Variants in ATL1 observed in about 807,000 individuals in gnomAD.
The protein encoded by ATL1 is atlastin-1.
ATL1 carries 31 observed loss-of-function variants against 75.5 expected under a neutral mutation model. The observed-to-expected ratio is 0.41, with a 90% CI of 0.31 to 0.55. The LOEUF (loss-of-function observed/expected upper bound fraction) is 0.55. Ranked by LOEUF, ATL1 falls within the 20% of genes least tolerant of loss-of-function variation. The pLI, the probability that ATL1 is intolerant of heterozygous loss-of-function variation, is 0.27. For missense variants in ATL1, 405 were observed against 662.6 expected (o/e 0.61, Z 4.27); for synonymous variants, 226 against 233.3 (o/e 0.97, Z 0.28).
chr14:50,616,831 G>A (rs1275827864), intron 8 of ATL1, among the ~76,000 whole-genome samples: 8 of 152,082 alleles, frequency 5.3e-5, no homozygotes, highest in Non-Finnish European at 8.8e-5. Flanking sequence ...CAGAAATATC[G>A]TACTTTGCCT....
intron 6 of ATL1, among the ~76,000 whole-genome samples, chr14:50,600,103 A>G (rs540040007): frequency 6.6e-6 from 1 of 151,862 alleles, no homozygotes; most frequent in South Asian, 2.1e-4. Context: ...AGAGTAGGGA[A>G]CTCCATTGTA....
chr14:50,584,570 G>T (rs2039084549), intron 1 of ATL1, among the ~76,000 whole-genome samples: 1 of 151,914 alleles, frequency 6.6e-6, no homozygotes, highest in Admixed American at 6.6e-5. Context: ...TAAAAAATGC[G>T]AGGTGGCGGG....
intron 1 of ATL1, among the ~76,000 whole-genome samples, chr14:50,546,722 C>T (rs1375262731): frequency 1.3e-5 from 2 of 152,070 alleles, no homozygotes; most frequent in African/African-American, 4.8e-5. Context: ...CAGCCAAAAC[C>T]AGAATGATCT....
chr14:50,594,998 CAA>C (rs371065528), intron 5 of ATL1, among the ~76,000 whole-genome samples: 32,108 of 85,510 alleles, frequency 0.38, 3,878 homozygotes, highest in African/African-American at 0.54. Context: ...GACCCTGTCT[CAA>C]AAAAAAAAAA....
intron 11 of ATL1, 103 bp from the exon 12 acceptor site, chr14:50,627,928 A>C (rs2039537003): frequency 9.3e-7 from 1 of 1,073,586 alleles, no homozygotes; most frequent in African/African-American, 1.6e-5. Flanking sequence ...GCTCCTGATT[A>C]TTAACGTATT....
chr14:50,606,065 T>C (rs1328843035), intron 6 of ATL1, among the ~76,000 whole-genome samples: 4 of 151,990 alleles, frequency 2.6e-5, no homozygotes, highest in African/African-American at 7.2e-5. Flanking sequence ...TATTGAGTGG[T>C]AAAAATAAAA....
At chr14:50,629,174 T>G (rs1294854155) in intron 12 of ATL1, among the ~76,000 whole-genome samples, 2 of 152,240 alleles carry the variant, frequency 1.3e-5, no homozygotes, top group East Asian at 3.8e-4. Context: ...CTATCATAAG[T>G]TGTCATATCA....
chr14:50,548,480 G>A (rs959560549), intron 1 of ATL1, among the ~76,000 whole-genome samples: 2 of 152,146 alleles, frequency 1.3e-5, no homozygotes, highest in African/African-American at 4.8e-5. Flanking sequence ...AGCAGCCAAT[G>A]GGAATGGTAA....
At chr14:50,539,490 A>G (rs552056495) in intron 1 of ATL1, among the ~76,000 whole-genome samples, 1 of 152,382 alleles carries the variant, frequency 6.6e-6, no homozygotes, top group East Asian at 1.9e-4. Context: ...GACCAAGTCC[A>G]GGGCCTGACT....
intron 11 of ATL1, among the ~76,000 whole-genome samples, chr14:50,626,594 T>C (rs1006018201): frequency 3.3e-5 from 5 of 152,226 alleles, no homozygotes; most frequent in African/African-American, 1.2e-4. Flanking sequence ...GTGAACAGTG[T>C]TGAAATGACA....
At chr14:50,610,014 C>A (rs1454199504) in intron 6 of ATL1, among the ~76,000 whole-genome samples, 1 of 151,370 alleles carries the variant, frequency 6.6e-6, no homozygotes, top group Non-Finnish European at 1.5e-5. Flanking sequence ...TCCTCTGCCC[C>A]ACTCTGCCCC....
At chr14:50,543,772 C>T (rs1454885632) in intron 1 of ATL1, among the ~76,000 whole-genome samples, 1 of 152,200 alleles carries the variant, frequency 6.6e-6, no homozygotes, top group Non-Finnish European at 1.5e-5. Flanking sequence ...AGTGGCTCTT[C>T]TATTATTCCT....
intron 10 of ATL1, among the ~76,000 whole-genome samples, chr14:50,622,157 A>C (rs1466570293): frequency 6.6e-6 from 1 of 152,230 alleles, no homozygotes; most frequent in Non-Finnish European, 1.5e-5. Context: ...ACAGTCTTCT[A>C]TTATGATTTA....
rs114568084 is a variant in ATL1, at chr14:50,610,886, A to G, written c.631-2373A>G. On this transcript the variant is annotated intron_variant, in intron 6 of 13. Transcript: ENST00000358385. ...TTTCCGTCTAGTTCCCCTTCTAGCAATAGAACTCCTCTCTCCAATTCCCTC... is the reference window on the plus strand; with the variant it reads ...TTTCCGTCTAGTTCCCCTTCTAGCAGTAGAACTCCTCTCTCCAATTCCCTC... Among the ~76,000 whole-genome samples the G allele has an allele frequency of 5.6e-3, 857 of 152,230 alleles. 3 individuals are homozygous for G. The highest frequency in any genetic ancestry group is 0.02 in the African/African-American group (825 of 41,544).
Position 50,551,194 on chromosome 14 carries a change from T to C in ATL1, c.-139-8933T>C, listed in dbSNP as rs116083618. Among the ~76,000 whole-genome samples, 562 of 152,238 alleles carry C rather than the reference T, an allele frequency of 3.7e-3. 6 individuals are homozygous for C. Among genetic ancestry groups the C allele is most frequent in the African/African-American group, 0.013 (542 of 41,538 alleles). On this transcript the variant is annotated intron_variant, in intron 1 of 13. Coordinates refer to the ATL1 transcript ENST00000441560. ...GCTCAATTAGAAACAAAATGGAAGA[T>C]GTTATAACTGATACTACAGAAATAC...
chr14:50,544,404 T>A (rs1386619473), intron 1 of ATL1, among the ~76,000 whole-genome samples: 3 of 152,222 alleles, frequency 2.0e-5, no homozygotes, highest in Admixed American at 1.3e-4. Context: ...AGGGAATAAA[T>A]CTTGATTGGT....
At chr14:50,567,221 A>G (rs951865648) in intron 1 of ATL1, among the ~76,000 whole-genome samples, 3 of 147,374 alleles carry the variant, frequency 2.0e-5, no homozygotes, top group African/African-American at 7.4e-5. Context: ...GGAATGATAC[A>G]TTTTTTTTTT....
At chr14:50,574,937 GTATATATATATATATA>G (rs71118894) in intron 1 of ATL1, among the ~76,000 whole-genome samples, 6 of 23,156 alleles carry the variant, frequency 2.6e-4, no homozygotes, top group African/African-American at 1.1e-3. Flanking sequence ...GTGTGTGTGT[GTATATATATATATATA>G]TATATATATA....
chr14:50,600,028 T>C (rs1437095552), intron 6 of ATL1, among the ~76,000 whole-genome samples: 1 of 151,872 alleles, frequency 6.6e-6, no homozygotes. Flanking sequence ...TGAAGTGCTA[T>C]ATGGTAATTA....
Sources: allele counts gnomAD v4.1 joint callset (sites outside exome capture counted in the v4.1 genomes callset), GRCh38; gene constraint gnomAD v4.1.1; transcripts MANE v1.5; gene names NCBI Gene and HGNC (gene_info 2026-07-23, HGNC 2026-07-21).